The following LUZP2 variants were observed in gnomAD, a reference collection of about 807,000 sequenced individuals.
LUZP2 encodes leucine zipper protein 2.
A neutral mutation model predicts 51.6 loss-of-function variants in LUZP2; 52 were observed. The observed-to-expected ratio is 1.01, with a 90% CI of 0.81 to 1.27. The LOEUF (loss-of-function observed/expected upper bound fraction) is 1.27. LUZP2 is among the 50% of genes most tolerant of loss of function. The pLI, the probability that LUZP2 is intolerant of heterozygous loss-of-function variation, is 0.00. For synonymous variants in LUZP2, 154 were observed against 137.3 expected, an observed-to-expected ratio of 1.12 and a Z score of -0.85; for missense variants, 436 against 395.4, an observed-to-expected ratio of 1.10 and a Z score of -0.87.
At chr11:24,591,583 G>C (rs1853262170) in intron 1 of LUZP2, among the ~76,000 whole-genome samples, 1 of 152,164 alleles carries the variant, frequency 6.6e-6, no homozygotes, top group African/African-American at 2.4e-5. Flanking sequence ...GTCTGACTTT[G>C]CCTGTTAATA....
At chr11:25,035,794 G>T (rs975243964) in intron 9 of LUZP2, among the ~76,000 whole-genome samples, 1 of 151,988 alleles carries the variant, frequency 6.6e-6, no homozygotes, top group Non-Finnish European at 1.5e-5. Context: ...TGTTGAACTA[G>T]CCTTGCATCC....
chr11:24,906,285 A>AT lies in LUZP2; in HGVS notation c.459+243dup, dbSNP rs373902290. On this transcript the variant is annotated intron_variant, in intron 6 of 11. Coordinates refer to ENST00000336930, the MANE Select transcript of LUZP2 (RefSeq NM_001009909.4). ...AGGCAGGTAATGATCACCTTTGTAG[A>AT]TTTTTTTTTTTCTGGATTTCTTCCT... is the stretch of plus-strand genomic sequence containing the variant. Among the ~76,000 whole-genome samples, 588 of 148,124 alleles carry AT rather than the reference A, an allele frequency of 4.0e-3. 8 individuals are homozygous for AT. Among genetic ancestry groups the AT allele is most frequent in the East Asian group, 0.029 (148 of 5,080 alleles).
At chr11:24,614,409 C>T (rs1241232697) in intron 1 of LUZP2, among the ~76,000 whole-genome samples, 1 of 151,968 alleles carries the variant, frequency 6.6e-6, no homozygotes, top group African/African-American at 2.4e-5. Flanking sequence ...AATCTTCACA[C>T]ATTTTGAAAT....
intron 1 of LUZP2, among the ~76,000 whole-genome samples, chr11:24,555,096 C>T (rs991341285): frequency 2.0e-5 from 3 of 151,804 alleles, no homozygotes; most frequent in African/African-American, 4.8e-5. Context: ...AACCCAAAAC[C>T]GAGCCCAGTC....
At chr11:24,731,287 G>C (rs1858703448) in intron 2 of LUZP2, among the ~76,000 whole-genome samples, 1 of 151,752 alleles carries the variant, frequency 6.6e-6, no homozygotes, top group Admixed American at 6.6e-5. Flanking sequence ...AAGTAAACAA[G>C]TGTTTGCCCT....
At chr11:24,567,719 G>T (rs916800047) in intron 1 of LUZP2, among the ~76,000 whole-genome samples, 2 of 151,822 alleles carry the variant, frequency 1.3e-5, no homozygotes, top group Non-Finnish European at 2.9e-5. Flanking sequence ...TCTCAAATAA[G>T]AATCTTATGT....
chr11:24,862,520 A>G (rs7934559), intron 5 of LUZP2, among the ~76,000 whole-genome samples: 39,934 of 152,024 alleles, frequency 0.26, 5,595 homozygotes, highest in African/African-American at 0.36. Context: ...GAAAGGATCA[A>G]ATTCACACAT....
chr11:24,960,761 A>T (rs1037879593), intron 7 of LUZP2, among the ~76,000 whole-genome samples: 7 of 151,682 alleles, frequency 4.6e-5, no homozygotes, highest in African/African-American at 1.5e-4. Context: ...TTCTGCTCTG[A>T]TTTTAGTTAT....
chr11:25,054,877 T>C (rs1306787799), intron 10 of LUZP2, among the ~76,000 whole-genome samples: 1 of 152,098 alleles, frequency 6.6e-6, no homozygotes, highest in Non-Finnish European at 1.5e-5. Context: ...CTTTTCAAGA[T>C]TGTATTGGCT....
At chr11:24,993,115 A>G (rs1421295866) in intron 9 of LUZP2, among the ~76,000 whole-genome samples, 1 of 152,182 alleles carries the variant, frequency 6.6e-6, no homozygotes, top group Non-Finnish European at 1.5e-5. Context: ...CTTGCTAAAA[A>G]TTAGAAACAT....
chr11:24,595,365 T>G (rs1308713626), intron 1 of LUZP2, among the ~76,000 whole-genome samples: 1 of 152,128 alleles, frequency 6.6e-6, no homozygotes, highest in African/African-American at 2.4e-5. Flanking sequence ...GCACAGGCAC[T>G]GGGGAACTAA....
intron 9 of LUZP2, among the ~76,000 whole-genome samples, chr11:25,048,350 T>C (rs190783276): frequency 8.7e-4 from 133 of 152,236 alleles, no homozygotes; most frequent in African/African-American, 3.1e-3. Context: ...TCACTAGAAC[T>C]TTTCTTATTA....
chr11:24,773,069 A>G (rs1848798643), intron 5 of LUZP2, among the ~76,000 whole-genome samples: 1 of 123,048 alleles, frequency 8.1e-6, no homozygotes, highest in Admixed American at 8.9e-5. Context: ...TATATTCCTC[A>G]TAAACAGTGT....
chr11:24,926,738 C>G (rs1398040870), intron 7 of LUZP2, among the ~76,000 whole-genome samples: 1 of 149,402 alleles, frequency 6.7e-6, no homozygotes, highest in Admixed American at 6.7e-5. Flanking sequence ...GACTTCTTTT[C>G]CTGTGGTTAG....
chr11:25,066,047 C>A (rs1360051904), intron 10 of LUZP2, among the ~76,000 whole-genome samples: 1 of 151,742 alleles, frequency 6.6e-6, no homozygotes, highest in African/African-American at 2.4e-5. Context: ...CTTTTTTATA[C>A]TAACCATAAA....
chr11:24,743,495 G>T (rs985052323), intron 4 of LUZP2, among the ~76,000 whole-genome samples: 1 of 151,984 alleles, frequency 6.6e-6, no homozygotes, highest in African/African-American at 2.4e-5. Flanking sequence ...CCACTTGGTC[G>T]CTGTTGGTGT....
chr11:24,967,840 A>G (rs1295551479), intron 7 of LUZP2, among the ~76,000 whole-genome samples: 1 of 152,124 alleles, frequency 6.6e-6, no homozygotes, highest in Non-Finnish European at 1.5e-5. Flanking sequence ...CAACATATAG[A>G]CTATCTAGAT....
At chr11:24,761,510 A>T (rs1359032562) in intron 4 of LUZP2, among the ~76,000 whole-genome samples, 3 of 152,134 alleles carry the variant, frequency 2.0e-5, no homozygotes, top group Non-Finnish European at 4.4e-5. Context: ...GGAAATGATG[A>T]TAATGGGAAA....
chr11:24,840,124 A>C (rs1362087422), intron 5 of LUZP2, among the ~76,000 whole-genome samples: 7 of 151,918 alleles, frequency 4.6e-5, no homozygotes, highest in Middle Eastern at 3.4e-3. Flanking sequence ...TCTTATTTTT[A>C]AGCATCAAGG....
Sources: allele counts gnomAD v4.1 joint callset (sites outside exome capture counted in the v4.1 genomes callset), GRCh38; gene constraint gnomAD v4.1.1; transcripts MANE v1.5; gene names NCBI Gene and HGNC (gene_info 2026-07-23, HGNC 2026-07-21).